The following KDM2A variants were observed in gnomAD, a reference collection of about 807,000 sequenced individuals.
KDM2A encodes the protein lysine-specific demethylase 2A.
Under a neutral mutation model 137.3 loss-of-function variants are expected in KDM2A, and 3 were observed. That is an observed-to-expected ratio of 0.02 (90% confidence interval 0.01 to 0.06). The LOEUF is 0.06. KDM2A is among the 10% of genes least tolerant of loss of function. KDM2A has a pLI of 1.00. For synonymous variants in KDM2A, 512 were observed against 541.5 expected (o/e 0.95, Z 0.76); for missense variants, 738 against 1,510.6 (o/e 0.49, Z 8.48).
intron 11 of KDM2A, among the ~76,000 whole-genome samples, chr11:67,229,046 A>G (rs1050713528): frequency 6.6e-6 from 1 of 152,182 alleles, no homozygotes; most frequent in Non-Finnish European, 1.5e-5. Context: ...GTTTTATTGT[A>G]TAAAGAATGG....
intron 2 of KDM2A, among the ~76,000 whole-genome samples, chr11:67,124,953 G>A (rs1038057323): frequency 6.0e-5 from 9 of 150,708 alleles, no homozygotes; most frequent in African/African-American, 2.2e-4. Context: ...TACCTCCCGG[G>A]TTCACGCCAT....
At chr11:67,241,199 A>G (rs1200085718) in intron 12 of KDM2A, among the ~76,000 whole-genome samples, 1 of 152,098 alleles carries the variant, frequency 6.6e-6, no homozygotes, top group African/African-American at 2.4e-5. Context: ...CACATTTTGA[A>G]TGGACCTGAA....
At chr11:67,212,536 G>A (rs140509398) in intron 6 of KDM2A, among the ~76,000 whole-genome samples, 1 of 152,210 alleles carries the variant, frequency 6.6e-6, no homozygotes, top group African/African-American at 2.4e-5. Flanking sequence ...CTAGGTTCAT[G>A]ATATTGGACT....
chr11:67,171,650 C>T (rs1474776162), intron 2 of KDM2A, among the ~76,000 whole-genome samples: 1 of 152,204 alleles, frequency 6.6e-6, no homozygotes. Context: ...TCTGTTTCTT[C>T]ATGTGTAAAA....
rs377498028 is a variant in KDM2A, at chr11:67,200,059, T to G, written c.308-7451T>G. Among the ~76,000 whole-genome samples, 14 of 152,306 alleles carry G rather than the reference T, an allele frequency of 9.2e-5. No individual in the cohort carries two copies. The East Asian group carries it at 2.5e-3, about 27-fold the overall frequency. ...ACAACAAAGCCTAGATGATATCACA[T>G]CTGTTTTACAGCATGGTTTACTGAA... On this transcript the variant is annotated intron_variant, in intron 5 of 20. Transcript: ENST00000529006.
At chr11:67,211,919 A>G (rs1347106229) in intron 6 of KDM2A, among the ~76,000 whole-genome samples, 1 of 152,174 alleles carries the variant, frequency 6.6e-6, no homozygotes, top group Non-Finnish European at 1.5e-5. Context: ...ATACAGTGGA[A>G]AATGATATCA....
At chr11:67,202,115 A>G (rs547580820) in intron 5 of KDM2A, among the ~76,000 whole-genome samples, 1 of 152,262 alleles carries the variant, frequency 6.6e-6, no homozygotes, top group South Asian at 2.1e-4. Flanking sequence ...ATGTGGTGAA[A>G]ATAGTGAGAG....
chr11:67,166,869 G>A (rs1326815022), intron 2 of KDM2A, among the ~76,000 whole-genome samples: 1 of 152,082 alleles, frequency 6.6e-6, no homozygotes, highest in Non-Finnish European at 1.5e-5. Flanking sequence ...TTGAGGTCAG[G>A]AGTTTGAGAC....
At chr11:67,148,503 C>G (rs1856308069) in intron 2 of KDM2A, among the ~76,000 whole-genome samples, 4 of 151,910 alleles carry the variant, frequency 2.6e-5, no homozygotes. Context: ...TTTCCCCCAT[C>G]AGAAACAAGT....
intron 12 of KDM2A, chr11:67,240,464 G>A: frequency 9.5e-7 from 1 of 1,052,744 alleles, no homozygotes; most frequent in Admixed American, 2.5e-5. Context: ...ACTGCCTGCC[G>A]GGCGAGTCCA....
Position 67,254,848 on chromosome 11 carries a change from T to C in KDM2A, c.3308-26T>C. ...AGGAAAGCTGTGTGTATGTGAGCAC[T>C]GTCATTATGTCCACTTTCCCGACAG... On this transcript the variant is annotated intron_variant, in intron 20 of 20. Transcript: ENST00000529006. This position sits in a 1 kb window ranked among gnomAD's most constrained non-coding sequence, Gnocchi z 4.7. The C allele has an allele frequency of 6.2e-7, 1 of 1,606,886 alleles. No homozygotes were observed. The highest frequency in any genetic ancestry group is 8.5e-7 in the Non-Finnish European group (1 of 1,173,790).
chr11:67,180,039 A>G, intron 2 of KDM2A, 40 bp from the exon 3 acceptor site: 1 of 1,581,762 alleles, frequency 6.3e-7, no homozygotes, highest in South Asian at 1.2e-5. Context: ...TAGGCATGAA[A>G]AAGTGCATGA....
intron 5 of KDM2A, among the ~76,000 whole-genome samples, chr11:67,192,479 T>TA (rs1857382219): frequency 7.7e-6 from 1 of 129,438 alleles, no homozygotes; most frequent in African/African-American, 3.9e-5. Context: ...AGCATCTCTC[T>TA]TGGTGCCCTG....
chr11:67,226,800 C>T (rs964953757), intron 10 of KDM2A, among the ~76,000 whole-genome samples: 26 of 152,114 alleles, frequency 1.7e-4, no homozygotes, highest in African/African-American at 6.3e-4. Flanking sequence ...GCACTGGCCG[C>T]GAGCTGCTCT....
chr11:67,203,642 T>A (rs943778255), intron 5 of KDM2A, among the ~76,000 whole-genome samples: 2 of 151,378 alleles, frequency 1.3e-5, no homozygotes, highest in African/African-American at 4.8e-5. Flanking sequence ...TAGTCCCAGC[T>A]ACTCAGGAGG....
At chr11:67,203,763 AAAG>A in intron 5 of KDM2A, among the ~76,000 whole-genome samples, 1 of 151,650 alleles carries the variant, frequency 6.6e-6, no homozygotes, top group South Asian at 2.1e-4. Flanking sequence ...CAAAAGGAAA[AAAG>A]AATAAAATGC....
At chr11:67,167,586 C>CT (rs554758554) in intron 2 of KDM2A, among the ~76,000 whole-genome samples, 13,059 of 145,032 alleles carry the variant, frequency 0.09, 1,881 homozygotes, top group African/African-American at 0.31. Context: ...TCACAGCTAT[C>CT]TTTTTTTTTT....
chr11:67,165,144 C>T (rs1164476991), intron 2 of KDM2A, among the ~76,000 whole-genome samples: 2 of 150,392 alleles, frequency 1.3e-5, no homozygotes, highest in Non-Finnish European at 3.0e-5. Context: ...TTTTTGAGAC[C>T]GACTTTCACT....
chr11:67,245,228 A>T lies in KDM2A; in HGVS notation c.1603A>T (p.Ile535Phe), dbSNP rs774161687. ...TCGGCCAAAGGTGCGGGTTCCTACC[A>T]TCCCCATTACGAAGCCTCACACTAT... The part of the protein sequence containing the change: ...PTRPKVRVPT[I>F]PITKPHTMKP... The change falls in exon 14 of 21, where the codon ATC (isoleucine) becomes TTC (phenylalanine). Residue 535 changes from isoleucine to phenylalanine, a missense_variant. Ile to Phe is a conservative substitution (Grantham distance 21). Coordinates refer to ENST00000529006, the MANE Select transcript of KDM2A (RefSeq NM_012308.3). The surrounding 1 kb of genome is among the most constrained non-coding windows in gnomAD (Gnocchi z 4.1). 9.3e-6 allele frequency: 15 copies of T among 1,613,880 alleles called. No individual in the cohort carries two copies. The highest frequency in any genetic ancestry group is 1.2e-5 in the Non-Finnish European group (14 of 1,179,902).
Sources: allele counts gnomAD v4.1 joint callset (sites outside exome capture counted in the v4.1 genomes callset), GRCh38; gene constraint gnomAD v4.1.1; non-coding constraint Gnocchi (gnomAD v3.1); transcripts MANE v1.5; gene names NCBI Gene and HGNC (gene_info 2026-07-23, HGNC 2026-07-21).